The following ZEB1 variants were observed in gnomAD, a reference collection of about 807,000 sequenced individuals.
ZEB1 encodes zinc finger E-box-binding homeobox 1.
A neutral mutation model predicts 84.9 loss-of-function variants in ZEB1; 21 were observed. The observed-to-expected ratio is 0.25, with a 90% CI of 0.18 to 0.36. ZEB1 has a LOEUF of 0.36. Ranked by LOEUF, ZEB1 falls within the 10% of genes least tolerant of loss-of-function variation. The probability of loss-of-function intolerance (pLI) is 1.00; values close to 1 mark genes in which losing one functional copy is unlikely to be tolerated. For synonymous variants in ZEB1, 420 were observed against 471.1 expected, an observed-to-expected ratio of 0.89 and a Z score of 1.41; for missense variants, 1,104 against 1,330.2, an observed-to-expected ratio of 0.83 and a Z score of 2.65.
intron 2 of ZEB1, among the ~76,000 whole-genome samples, chr10:31,493,759 A>T (rs1565108121): frequency 6.6e-6 from 1 of 152,100 alleles, no homozygotes; most frequent in East Asian, 1.9e-4. Flanking sequence ...ATTAGGCACC[A>T]TGGTCTTAGT....
chr10:31,349,522 T>G (rs2040938567), intron 1 of ZEB1, among the ~76,000 whole-genome samples: 1 of 152,152 alleles, frequency 6.6e-6, no homozygotes, highest in African/African-American at 2.4e-5. Flanking sequence ...GCTGTACCAA[T>G]TTACATTCCC....
intron 1 of ZEB1, among the ~76,000 whole-genome samples, chr10:31,442,725 G>C (rs907136827): frequency 6.6e-6 from 1 of 152,088 alleles, no homozygotes; most frequent in African/African-American, 2.4e-5. Context: ...AGCAGTTGGT[G>C]AGTTAAGAGG....
chr10:31,396,769 A>G (rs2050803708), intron 1 of ZEB1, among the ~76,000 whole-genome samples: 1 of 152,208 alleles, frequency 6.6e-6, no homozygotes, highest in Non-Finnish European at 1.5e-5. Context: ...TTATCTTTTT[A>G]GAAACCTGAT....
At chr10:31,507,201 T>C (rs1360054628) in intron 4 of ZEB1, among the ~76,000 whole-genome samples, 1 of 152,200 alleles carries the variant, frequency 6.6e-6, no homozygotes, top group African/African-American at 2.4e-5. Context: ...GATAAACTGC[T>C]ATTAGTCGTA....
chr10:31,363,210 C>A (rs1306863840), intron 1 of ZEB1: 1 of 1,534,046 alleles, frequency 6.5e-7, no homozygotes, highest in East Asian at 2.4e-5. Context: ...CTTCACCCAG[C>A]ACCTTCAAGG....
At chr10:31,322,405 T>C (rs1338686712) in intron 1 of ZEB1, among the ~76,000 whole-genome samples, 1 of 152,240 alleles carries the variant, frequency 6.6e-6, no homozygotes, top group Non-Finnish European at 1.5e-5. Context: ...GTTTATGTTG[T>C]TATATATGTA....
At chr10:31,473,417 A>G (rs1183448756) in intron 2 of ZEB1, among the ~76,000 whole-genome samples, 1 of 152,086 alleles carries the variant, frequency 6.6e-6, no homozygotes. Flanking sequence ...CACCAGTAAC[A>G]GACAAACAGA....
intron 4 of ZEB1, among the ~76,000 whole-genome samples, chr10:31,505,122 C>T (rs2068755134): frequency 6.6e-6 from 1 of 152,098 alleles, no homozygotes; most frequent in Admixed American, 6.5e-5. Context: ...ATCTTTGCAT[C>T]CCTGGGATAA....
intron 2 of ZEB1, among the ~76,000 whole-genome samples, chr10:31,473,610 A>G (rs1591647396): frequency 6.7e-6 from 1 of 149,900 alleles, no homozygotes; most frequent in Admixed American, 6.6e-5. Context: ...GGAAGAATCA[A>G]TATCGTGAAA....
At chr10:31,437,514 C>T (rs2058429236) in intron 1 of ZEB1, among the ~76,000 whole-genome samples, 1 of 152,108 alleles carries the variant, frequency 6.6e-6, no homozygotes, top group African/African-American at 2.4e-5. Flanking sequence ...CATTAATTAT[C>T]CCCCTTGTTC....
chr10:31,450,385 G>T (rs1417679225), intron 1 of ZEB1, among the ~76,000 whole-genome samples: 1 of 151,822 alleles, frequency 6.6e-6, no homozygotes, highest in East Asian at 1.9e-4. Flanking sequence ...TTGGAAAGCT[G>T]TTGATTTTTT....
chr10:31,398,444 G>C (rs911275195), intron 1 of ZEB1, among the ~76,000 whole-genome samples: 1 of 151,872 alleles, frequency 6.6e-6, no homozygotes, highest in Non-Finnish European at 1.5e-5. Flanking sequence ...GGGCAATTCT[G>C]CCTTCTCTCT....
intron 1 of ZEB1, among the ~76,000 whole-genome samples, chr10:31,369,306 A>G (rs948281911): frequency 1.3e-5 from 2 of 152,174 alleles, no homozygotes; most frequent in Admixed American, 6.5e-5. Flanking sequence ...TAGATCTCAA[A>G]CTTATTCTTC....
At chr10:31,502,700 G>A (rs1043622514) in intron 4 of ZEB1, among the ~76,000 whole-genome samples, 191 bp downstream of exon 4, 16 of 152,154 alleles carry the variant, frequency 1.1e-4, no homozygotes, top group Non-Finnish European at 1.6e-4. Context: ...ATTATTAGCT[G>A]CTCATGTATT....
At chr10:31,477,353 C>T (rs1316588969) in intron 2 of ZEB1, among the ~76,000 whole-genome samples, 1 of 151,488 alleles carries the variant, frequency 6.6e-6, no homozygotes, top group Non-Finnish European at 1.5e-5. Context: ...GGTGAAAGTT[C>T]TCTACAGGAA....
Position 31,420,261 on chromosome 10 carries a change from T to C in ZEB1, c.59-40776T>C, listed in dbSNP as rs1352669661. ...TAGTGATTTAAACAACACGTATTTA[T>C]TGTCTCGTGCTTCCATGGGTCAGGA... On this transcript the variant is annotated intron_variant, in intron 1 of 8. Transcript: ENST00000424869. Among the ~76,000 whole-genome samples the C allele has an allele frequency of 5.9e-5, 9 of 152,152 alleles. No homozygotes were observed. The South Asian group carries it at 1.9e-3, about 31-fold the overall frequency.
chr10:31,503,108 T>C (rs2068399533), intron 4 of ZEB1, among the ~76,000 whole-genome samples: 1 of 152,118 alleles, frequency 6.6e-6, no homozygotes, highest in Admixed American at 6.5e-5. Flanking sequence ...TAAAAATATA[T>C]GTATATTTAC....
chr10:31,321,513 C>G, intron 1 of ZEB1: 1 of 1,613,966 alleles, frequency 6.2e-7, no homozygotes. Flanking sequence ...GCCGCTGTTG[C>G]TGATGTGGCT....
intron 1 of ZEB1, among the ~76,000 whole-genome samples, chr10:31,366,736 G>T (rs940347376): frequency 6.6e-6 from 1 of 152,144 alleles, no homozygotes; most frequent in East Asian, 1.9e-4. Context: ...GTCATTATGA[G>T]GTCTAGCAAA....
Sources: gnomAD v4.1 joint callset for allele counts (sites outside exome capture counted in the v4.1 genomes callset) on GRCh38, gnomAD v4.1.1 for gene constraint, MANE v1.5 for transcripts, NCBI Gene and HGNC (gene_info 2026-07-23, HGNC 2026-07-21) for gene names.